Variants in KIAA0586 observed in about 807,000 individuals in gnomAD.
KIAA0586 encodes KIAA0586, also known as protein TALPID3.
KIAA0586 carries 144 observed loss-of-function variants against 169.8 expected under a neutral mutation model. The ratio of observed to expected loss-of-function variants is 0.85; its 90% CI spans 0.74 to 0.97. KIAA0586 has a LOEUF of 0.97. Among genes scored for constraint, KIAA0586 ranks in the 50% least tolerant of loss-of-function variants. KIAA0586 has a pLI of 0.00. For missense variants in KIAA0586, 1,854 were observed against 1,823.0 expected (o/e 1.02, Z -0.31); for synonymous variants, 625 against 612.4 (o/e 1.02, Z -0.30).
At chr14:58,448,920 AC>A (rs2140671074) in intron 7 of KIAA0586, among the ~76,000 whole-genome samples, 1 of 152,274 alleles carries the variant, frequency 6.6e-6, no homozygotes, top group East Asian at 1.9e-4. Flanking sequence ...CAGAGCAACT[AC>A]CTGAGTACAT....
downstream of KIAA0586, among the ~76,000 whole-genome samples, chr14:58,556,093 A>G (rs1232942131): frequency 6.6e-6 from 1 of 152,242 alleles, no homozygotes; most frequent in Non-Finnish European, 1.5e-5. Flanking sequence ...AGAGTAACTT[A>G]AAAAGTAAAA....
intron 29 of KIAA0586, chr14:58,521,950 G>A (rs2045261078): frequency 1.5e-6 from 2 of 1,373,824 alleles, no homozygotes; most frequent in Non-Finnish European, 2.1e-6. Context: ...TGAAGAAGGA[G>A]AGGATGACAG....
At chr14:58,536,837 A>C (rs767805564) in intron 29 of KIAA0586, among the ~76,000 whole-genome samples, 47 of 152,262 alleles carry the variant, frequency 3.1e-4, no homozygotes, top group Non-Finnish European at 5.9e-4. Flanking sequence ...TTTTGTGGTA[A>C]AGATAAAAAT....
chr14:58,479,329 GAAATCTCTTT>G (rs1481924478), intron 20 of KIAA0586, among the ~76,000 whole-genome samples: 1 of 152,130 alleles, frequency 6.6e-6, no homozygotes, highest in African/African-American at 2.4e-5. Context: ...TTACTTTGGT[GAAATCTCTTT>G]AAATCATTTG....
At chr14:58,460,911 A>G in intron 13 of KIAA0586, 75 bp from the exon 14 acceptor site, 1 of 1,094,174 alleles carries the variant, frequency 9.1e-7, no homozygotes, top group Non-Finnish European at 1.2e-6. Context: ...AAGCTAGCAA[A>G]AGGAGGCTTT....
In KIAA0586 at chr14:58,457,893, A is replaced by G. The variant is rs1487708980; in HGVS notation, c.1497A>G (p.Lys499=). 1 of 1,607,110 alleles carries G rather than the reference A, an allele frequency of 6.2e-7. No homozygotes were observed. The highest frequency in any genetic ancestry group is 8.5e-7 in the Non-Finnish European group (1 of 1,176,418). The change falls in exon 11 of 31, where the codon AAA becomes AAG. Residue 499 remains lysine, a synonymous_variant. Transcript: ENST00000652326. ...TGAGAGGAGTACAAAACAATAAAAA[A>G]GTACTTGAAGAAAACCTGGAAGCTA... The part of the protein sequence containing the change: ...KILRGVQNNK[K]VLEENLEAII...
chr14:58,560,489 G>C, the KIAA0586 span, among the ~76,000 whole-genome samples: 1 of 152,168 alleles, frequency 6.6e-6, no homozygotes, highest in African/African-American at 2.4e-5. Flanking sequence ...AATAGTTCAG[G>C]AACAGCCAGG....
chr14:58,540,129 A>T lies in KIAA0586; in HGVS notation c.4488A>T (p.Val1496=). The T allele has an allele frequency of 6.5e-7, 1 of 1,542,618 alleles. No individual in the cohort carries two copies. Among genetic ancestry groups the T allele is most frequent in the African/African-American group, 1.4e-5 (1 of 73,224 alleles). ...AGCTTAATCCGTACCTCACATGTGT[A>T]TTTTCAGGTAAGATTTTTACTTTAA... The part of the protein sequence containing the change: ...QIELNPYLTC[V]FSGGKAVPLS... The change falls in exon 30 of 31, where the codon GTA becomes GTT. Residue 1496 remains valine (V), a synonymous_variant. Coordinates refer to ENST00000652326, the MANE Select transcript of KIAA0586 (RefSeq NM_001329943.3).
chr14:58,506,444 C>A (rs565599169), intron 27 of KIAA0586, among the ~76,000 whole-genome samples: 1 of 150,964 alleles, frequency 6.6e-6, no homozygotes, highest in South Asian at 2.1e-4. Context: ...TTTGGGAGAA[C>A]GAGGTGAGCG....
At chr14:58,558,030 C>T in the KIAA0586 span, among the ~76,000 whole-genome samples, 2 of 149,968 alleles carry the variant, frequency 1.3e-5, no homozygotes, top group African/African-American at 2.5e-5. Context: ...CCACCTCATC[C>T]GCCTGAGGAG....
chr14:58,485,276 A>C (rs994850942), intron 21 of KIAA0586, among the ~76,000 whole-genome samples: 2 of 151,962 alleles, frequency 1.3e-5, no homozygotes, highest in African/African-American at 4.8e-5. Flanking sequence ...TACATAGAAG[A>C]AATACAGATC....
At chr14:58,555,069 A>T (rs1347553413), downstream of KIAA0586, among the ~76,000 whole-genome samples, 2 of 151,518 alleles carry the variant, frequency 1.3e-5, no homozygotes, top group African/African-American at 4.8e-5. Context: ...TTTCTTTCTG[A>T]AACATCTGTA....
At chr14:58,562,039 A>T in the KIAA0586 span, among the ~76,000 whole-genome samples, 1 of 152,202 alleles carries the variant, frequency 6.6e-6, no homozygotes, top group Non-Finnish European at 1.5e-5. Flanking sequence ...CCATCTTCAC[A>T]TGAGAAAGCA....
intron 20 of KIAA0586, among the ~76,000 whole-genome samples, chr14:58,479,032 G>A (rs2041853458): frequency 6.6e-6 from 1 of 152,146 alleles, no homozygotes; most frequent in South Asian, 2.1e-4. Context: ...GCAAATCTTT[G>A]TGTAGAAACC....
At chr14:58,524,412 T>G (rs1234521109) in intron 29 of KIAA0586, among the ~76,000 whole-genome samples, 2 of 152,210 alleles carry the variant, frequency 1.3e-5, no homozygotes, top group Non-Finnish European at 2.9e-5. Context: ...TCCGGGAGTA[T>G]TTATTAATAA....
chr14:58,475,319 T>C (rs551985835), intron 19 of KIAA0586, among the ~76,000 whole-genome samples: 28 of 152,282 alleles, frequency 1.8e-4, no homozygotes, highest in African/African-American at 6.5e-4. Context: ...GCACGCTCCC[T>C]ATGAGAATCT....
At position 58,550,684 on chromosome 14, in the gene KIAA0586, A is replaced by G. The variant is rs1265696195; in HGVS notation, c.*2752A>G. 2 of 152,004 alleles carry G rather than the reference A, an allele frequency of 1.3e-5. No homozygotes were observed. The allele number at this position is 152,004 out of a possible 1,614,324, so 9.4% of individuals were successfully genotyped here. ...CCCATCTCTACCAAAAATACAAAAA[A>G]TTAGCTGGTCATGGTTGCACACACC... On this transcript the variant is annotated 3_prime_UTR_variant, in exon 31 of 31. Transcript: ENST00000652326.
intron 22 of KIAA0586, 21 bp from the exon 23 acceptor site, chr14:58,487,866 C>A: frequency 2.1e-6 from 3 of 1,397,076 alleles, no homozygotes; most frequent in Middle Eastern, 1.8e-4. Context: ...TTTTTCTGTC[C>A]TTTTAAAAAA....
Position 58,536,202 on chromosome 14 carries a change from T to C in KIAA0586, c.4430-3869T>C, listed in dbSNP as rs536687787. ...ATATTGGTTTATTGCATGGATATATTGGTATATTGCTTAATTGTGGGGATT... is the reference window on the plus strand; with the variant it reads ...ATATTGGTTTATTGCATGGATATATCGGTATATTGCTTAATTGTGGGGATT... On this transcript the variant is annotated intron_variant, in intron 29 of 30. Coordinates refer to ENST00000652326, the MANE Select transcript of KIAA0586 (RefSeq NM_001329943.3). 1.4e-4 allele frequency among the ~76,000 whole-genome samples: 22 copies of C among 152,286 alleles called. No individual in the cohort carries two copies. In the South Asian group the frequency reaches 4.4e-3, roughly 30 times the overall value.
Sources: allele counts gnomAD v4.1 joint callset (sites outside exome capture counted in the v4.1 genomes callset), GRCh38; gene constraint gnomAD v4.1.1; transcripts MANE v1.5; gene names NCBI Gene and HGNC (gene_info 2026-07-23, HGNC 2026-07-21).